The following FOXJ2 variants were observed in gnomAD, a reference collection of about 807,000 sequenced individuals.
FOXJ2 encodes forkhead box protein J2.
Under a neutral mutation model 68.4 loss-of-function variants are expected in FOXJ2, and 18 were observed. The observed-to-expected ratio is 0.26, with a 90% CI of 0.18 to 0.39. The LOEUF is 0.39. Among genes scored for constraint, FOXJ2 ranks in the 10% least tolerant of loss-of-function variants. FOXJ2 has a pLI of 1.00. For synonymous variants in FOXJ2, 274 were observed against 263.2 expected, an observed-to-expected ratio of 1.04 and a Z score of -0.40; for missense variants, 670 against 726.5, an observed-to-expected ratio of 0.92 and a Z score of 0.89.
In FOXJ2 at chr12:8,049,561, C is replaced by T; in HGVS notation, c.1527C>T (p.Ala509=). Residue 509 remains alanine (A), a synonymous_variant, in exon 9 of 11, where the codon GCC becomes GCT. Transcript: ENST00000162391. ...CALTSGKQES[A]MSQVNSYGHP... is the part of the protein sequence containing the mutation. ...TCACCAGTGGCAAACAGGAGTCAGC[C>T]ATGAGCCAAGGTACTGCACCAAGCC... is the stretch of plus-strand genomic sequence containing the variant. 6.2e-7 allele frequency: 1 copy of T among 1,601,532 alleles called. No individual in the cohort carries two copies. The highest frequency in any genetic ancestry group is 1.1e-5 in the South Asian group (1 of 90,294).
intron 1 of FOXJ2, among the ~76,000 whole-genome samples, chr12:8,037,141 C>A (rs1946908394): frequency 6.6e-6 from 1 of 152,122 alleles, no homozygotes; most frequent in South Asian, 2.1e-4. Flanking sequence ...ATCAGAGAGG[C>A]ACGGATGGTT....
In FOXJ2 at chr12:8,038,403, A is replaced by C. The variant is rs1946923809; in HGVS notation, c.-14-1416A>C. ...TGTGTGGATCTGTTGTATTTTATGG[A>C]TACGCTTGTGCATATATCTGGCTGT... On this transcript the variant is annotated intron_variant, in intron 1 of 10. Transcript: ENST00000162391. The surrounding 1 kb of genome is among the most constrained non-coding windows in gnomAD (Gnocchi z 5.3). Among the ~76,000 whole-genome samples, 2 of 151,472 alleles carry C rather than the reference A, an allele frequency of 1.3e-5. No homozygotes were observed. Among genetic ancestry groups the C allele is most frequent in the Admixed American group, 6.6e-5 (1 of 15,214 alleles).
intron 10 of FOXJ2, among the ~76,000 whole-genome samples, chr12:8,052,435 G>C (rs1321111665): frequency 6.6e-6 from 1 of 152,070 alleles, no homozygotes; most frequent in Admixed American, 6.5e-5. Flanking sequence ...GGCCAGGCTG[G>C]TCTCGAATTC....
Position 8,048,723 on chromosome 12 carries a change from A to G in FOXJ2, c.1252A>G (p.Ile418Val). ...CTTTCCTTCTGACTGGTGCTCTAATATTGACTCTTTAAAGGAAAGCTTCAA... is the reference window on the plus strand; with the variant it reads ...CTTTCCTTCTGACTGGTGCTCTAATGTTGACTCTTTAAAGGAAAGCTTCAA... ...FAFPSDWCSN[I>V]DSLKESFKMV... The change falls in exon 8 of 11, where the codon ATT becomes GTT. Residue 418 changes from isoleucine to valine, a missense_variant. Ile to Val is a conservative substitution (Grantham distance 29). Coordinates refer to ENST00000162391, the MANE Select transcript of FOXJ2 (RefSeq NM_018416.3). The G allele has an allele frequency of 1.2e-6, 2 of 1,614,096 alleles. No individual in the cohort carries two copies. Among genetic ancestry groups the G allele is most frequent in the Non-Finnish European group, 1.7e-6 (2 of 1,180,018 alleles).
chr12:8,051,301 T>C (rs1009864659), intron 10 of FOXJ2, among the ~76,000 whole-genome samples: 8 of 151,916 alleles, frequency 5.3e-5, no homozygotes, highest in Non-Finnish European at 1.2e-4. Context: ...GGCTAATTTT[T>C]GTATTTTTAG....
In FOXJ2 at chr12:8,048,248, C is replaced by A. The variant is rs1281315224; in HGVS notation, c.1184C>A (p.Pro395Gln). 6.3e-7 allele frequency: 1 copy of A among 1,596,390 alleles called. No individual in the cohort carries two copies. Among genetic ancestry groups the A allele is most frequent in the Non-Finnish European group, 8.5e-7 (1 of 1,171,310 alleles). Residue 395 changes from proline (P) to glutamine (Q), a missense_variant, in exon 7 of 11, where the codon CCA (proline) becomes CAA (glutamine). This residue lies in a region of FOXJ2 where 555 missense variants were observed against 562.2 expected (regional missense o/e 0.99). Transcript: ENST00000162391. ...HPAQQPPPPQPQAQGQAPINN... is the reference protein window; with the variant it reads ...HPAQQPPPPQQQAQGQAPINN... ...GCCCAGCAGCCACCACCTCCACAGC[C>A]ACAGGCACAAGGCCAGGCTCCCATC...
intron 8 of FOXJ2, among the ~76,000 whole-genome samples, chr12:8,049,013 G>A (rs186853833): frequency 2.0e-5 from 3 of 152,300 alleles, no homozygotes; most frequent in Admixed American, 2.0e-4. Context: ...AATAATCCTA[G>A]TCCATTCTGT....
rs1243955352 is a variant in FOXJ2 at position 8,048,158 on chromosome 12, T to C, written c.1094T>C (p.Met365Thr). The change falls in exon 7 of 11, where the codon ATG (methionine) becomes ACG (threonine). Residue 365 changes from methionine to threonine, a missense_variant. Met to Thr is a moderately conservative substitution (Grantham distance 81, BLOSUM62 -1). Around this residue, in one of 2 missense-constraint regions of FOXJ2, gnomAD observed 555 missense variants for 562.2 expected, o/e 0.99. Transcript: ENST00000162391. ...TATGGGCCTCCCCCTGTAATGGCCATGCATCCACCCCCGCTGCAGCATGGA... is the reference window on the plus strand; with the variant it reads ...TATGGGCCTCCCCCTGTAATGGCCACGCATCCACCCCCGCTGCAGCATGGA... ...EGYGPPPVMA[M>T]HPPPLQHGGY... is the part of the protein sequence containing the mutation. 3 of 1,613,930 alleles carry C rather than the reference T, an allele frequency of 1.9e-6. No homozygotes were observed. Among genetic ancestry groups the C allele is most frequent in the South Asian group, 1.1e-5 (1 of 91,022 alleles).
At chr12:8,050,227 C>T (rs1380516059) in intron 9 of FOXJ2, 3 of 739,448 alleles carry the variant, frequency 4.1e-6, no homozygotes, top group South Asian at 9.1e-5. Flanking sequence ...CTACCCACCT[C>T]GGCTGCCCAA....
intron 1 of FOXJ2, among the ~76,000 whole-genome samples, chr12:8,037,755 A>C (rs3782681): frequency 0.3 from 46,272 of 152,114 alleles, 7,648 homozygotes; most frequent in Middle Eastern, 0.41. Context: ...GCTCATTGGC[A>C]TGCCACTCTT....
At chr12:8,049,080 T>A (rs978197285) in intron 8 of FOXJ2, among the ~76,000 whole-genome samples, 25 of 152,160 alleles carry the variant, frequency 1.6e-4, no homozygotes, top group African/African-American at 6.0e-4. Context: ...GATTTTGTAG[T>A]TTTGTCACCA....
At chr12:8,034,306 A>G (rs938172984) in intron 1 of FOXJ2, among the ~76,000 whole-genome samples, 20 of 152,180 alleles carry the variant, frequency 1.3e-4, no homozygotes, top group African/African-American at 4.8e-4. Flanking sequence ...AGTGTTCACC[A>G]GAGGTGTTCC....
chr12:8,052,460 C>T (rs759250068), intron 10 of FOXJ2, among the ~76,000 whole-genome samples: 3 of 152,272 alleles, frequency 2.0e-5, no homozygotes, highest in South Asian at 4.1e-4. Context: ...CCTCGTGATC[C>T]GCCTGCCTTG....
intron 10 of FOXJ2, among the ~76,000 whole-genome samples, chr12:8,052,461 G>A (rs1041272586): frequency 1.2e-4 from 19 of 152,052 alleles, no homozygotes; most frequent in African/African-American, 4.3e-4. Flanking sequence ...CTCGTGATCC[G>A]CCTGCCTTGG....
chr12:8,048,596 G>A (rs77487430), intron 7 of FOXJ2, 101 bp from the exon 8 acceptor site: 3 of 1,274,148 alleles, frequency 2.4e-6, no homozygotes, highest in Middle Eastern at 2.3e-4. Flanking sequence ...CTGCTAATCT[G>A]TATAGATGCA....
rs1442392090 is a variant in FOXJ2, at chr12:8,048,181, G to A, written c.1117G>A (p.Gly373Arg). The change falls in exon 7 of 11, where the codon GGA (glycine) becomes AGA (arginine). Residue 373 changes from glycine to arginine, a missense_variant. Coordinates refer to ENST00000162391, the MANE Select transcript of FOXJ2 (RefSeq NM_018416.3). ...CATGCATCCACCCCCGCTGCAGCAT[G>A]GAGGCTACCACCCTCATCAGCACCA... is the stretch of plus-strand genomic sequence containing the variant. ...MAMHPPPLQH[G>R]GYHPHQHHPH... 54 of 1,613,816 alleles carry A rather than the reference G, an allele frequency of 3.3e-5. No homozygotes were observed. Among genetic ancestry groups the A allele is most frequent in the Non-Finnish European group, 4.4e-5 (52 of 1,179,954 alleles).
rs1414254037 is a variant in FOXJ2 at position 8,054,895 on chromosome 12, T to C, written c.*2045T>C. Reference sequence around the variant, plus strand: ...TGATCACTTCTCTTTTCTAAACCCTTTTCCTGTTCAGATCCATACAGGATT... The same window carrying C: ...TGATCACTTCTCTTTTCTAAACCCTCTTCCTGTTCAGATCCATACAGGATT... On this transcript the variant is annotated 3_prime_UTR_variant, in exon 11 of 11. Coordinates refer to ENST00000162391, the MANE Select transcript of FOXJ2 (RefSeq NM_018416.3). 6.6e-6 allele frequency: 1 copy of C among 152,278 alleles called. No individual in the cohort carries two copies. The highest frequency in any genetic ancestry group is 1.9e-4 in the East Asian group (1 of 5,204). The allele number at this position is 152,278 out of a possible 1,614,324, so 9.4% of individuals were successfully genotyped here.
chr12:8,048,315 C>G, intron 7 of FOXJ2, 26 bp downstream of exon 7: 1 of 1,523,612 alleles, frequency 6.6e-7, no homozygotes. Flanking sequence ...GCACAGTGAT[C>G]TAGAGGAGGG....
At position 8,055,252 on chromosome 12, in the gene FOXJ2, G is replaced by A. The variant is rs1591583974; in HGVS notation, c.*2402G>A. The A allele has an allele frequency of 6.5e-6, 1 of 152,778 alleles. No individual in the cohort carries two copies. Among genetic ancestry groups the A allele is most frequent in the Middle Eastern group, 3.4e-3 (1 of 294 alleles). The allele number at this position is 152,778 out of a possible 1,614,324, so 9.5% of individuals were successfully genotyped here. A position where few individuals can be genotyped will look rare whatever the true frequency, so the allele number is the denominator to read the frequency against. ...GGGTGATGTGTGCAAAACTGCAGAA[G>A]CTCACTGCCTATAAGAGGAAATAAG... is the stretch of plus-strand genomic sequence containing the variant. On this transcript the variant is annotated 3_prime_UTR_variant, in exon 11 of 11. Transcript: ENST00000162391.
Sources: gnomAD v4.1 joint callset for allele counts (sites outside exome capture counted in the v4.1 genomes callset) on GRCh38, gnomAD v4.1.1 for gene constraint, gnomAD v4.1.1 regional missense constraint, Gnocchi (gnomAD v3.1) non-coding constraint, MANE v1.5 for transcripts, NCBI Gene and HGNC (gene_info 2026-07-23, HGNC 2026-07-21) for gene names.